Variants in ARNT observed in about 807,000 individuals in gnomAD.
ARNT encodes class E basic helix-loop-helix protein 2.
ARNT carries 30 observed loss-of-function variants against 105.0 expected under a neutral mutation model. That is an observed-to-expected ratio of 0.29 (90% CI 0.21 to 0.39). The LOEUF (loss-of-function observed/expected upper bound fraction) is 0.39, where lower values mean the gene tolerates loss of function less well. Among genes scored for constraint, ARNT ranks in the 10% least tolerant of loss-of-function variants. The pLI is 1.00. For missense variants in ARNT, 748 were observed against 978.7 expected (o/e 0.76, Z 3.15); for synonymous variants, 304 against 344.0 (o/e 0.88, Z 1.29).
Position 150,850,362 on chromosome 1 carries a change from C to G in ARNT, c.182+2400G>C, listed in dbSNP as rs867745676. On this transcript the variant is annotated intron_variant, in intron 3 of 21. Transcript: ENST00000358595. Reference sequence around the variant, plus strand: ...AGCTGGACTGTACTGCTGCCATCTCCGCTCACTGCAACCTCCCTGCCTGAT... The same window carrying G: ...AGCTGGACTGTACTGCTGCCATCTCGGCTCACTGCAACCTCCCTGCCTGAT... Among the ~76,000 whole-genome samples the G allele has an allele frequency of 2.2e-3, 337 of 152,320 alleles. 2 individuals are homozygous for G. Among genetic ancestry groups the G allele is most frequent in the African/African-American group, 5.4e-3 (223 of 41,572 alleles).
chr1:150,874,363 T>C (rs587655583), intron 1 of ARNT, among the ~76,000 whole-genome samples: 1 of 152,286 alleles, frequency 6.6e-6, no homozygotes, highest in East Asian at 1.9e-4. Flanking sequence ...ATGGGATCAA[T>C]AAGTCAGAAG....
intron 9 of ARNT, 33 bp downstream of exon 9, chr1:150,832,301 C>A (rs149172717): frequency 6.2e-7 from 1 of 1,611,024 alleles, no homozygotes; most frequent in Non-Finnish European, 8.5e-7. Flanking sequence ...GGTATTTGGC[C>A]ATCCCTTTGG....
intron 3 of ARNT, among the ~76,000 whole-genome samples, chr1:150,850,406 C>T (rs587594417): frequency 2.0e-5 from 3 of 152,324 alleles, no homozygotes; most frequent in Non-Finnish European, 2.9e-5. Flanking sequence ...CTCAGCCTGC[C>T]GAGTGCCTGC....
At chr1:150,864,770 A>AAAAT (rs201604664) in intron 1 of ARNT, among the ~76,000 whole-genome samples, 10,241 of 79,356 alleles carry the variant, frequency 0.13, 573 homozygotes, top group East Asian at 0.28. Flanking sequence ...AATAAAAAAT[A>AAAAT]AATAAATAAA....
At chr1:150,855,478 C>G (rs1293722433) in intron 2 of ARNT, among the ~76,000 whole-genome samples, 1 of 151,962 alleles carries the variant, frequency 6.6e-6, no homozygotes, top group East Asian at 1.9e-4. Context: ...AGGAGAATAG[C>G]ATGAACCCAG....
chr1:150,819,004 C>G (rs1390182716), intron 14 of ARNT, among the ~76,000 whole-genome samples: 1 of 152,082 alleles, frequency 6.6e-6, no homozygotes, highest in African/African-American at 2.4e-5. Flanking sequence ...ATAAAAATTT[C>G]TAACTCAATC....
Position 150,860,204 on chromosome 1 carries a change from GA to G in ARNT, c.26-1745del, listed in dbSNP as rs200512038. Reference sequence around the variant, plus strand: ...GAGTGAAAAGGCAACCCATGGAATAGAAAAAAAAAAATTCTTTTTTTTTTTT... The same window carrying G: ...GAGTGAAAAGGCAACCCATGGAATAGAAAAAAAAAATTCTTTTTTTTTTTT... On this transcript the variant is annotated intron_variant, in intron 1 of 21. Transcript: ENST00000358595. Among the ~76,000 whole-genome samples, 263 of 121,870 alleles carry G rather than the reference GA, an allele frequency of 2.2e-3. 1 individual carries two copies. The highest frequency in any genetic ancestry group is 8.0e-3 in the African/African-American group (246 of 30,828). 80.0% of individuals were successfully genotyped at this position (121,870 alleles called of 152,430 possible).
chr1:150,849,432 T>C (rs2102113000), intron 3 of ARNT, among the ~76,000 whole-genome samples: 1 of 152,298 alleles, frequency 6.6e-6, no homozygotes, highest in East Asian at 1.9e-4. Context: ...AGACAAGCAA[T>C]TGGTCTTCAG....
chr1:150,847,551 A>G (rs587681199), intron 3 of ARNT, among the ~76,000 whole-genome samples: 11 of 152,282 alleles, frequency 7.2e-5, no homozygotes, highest in African/African-American at 2.4e-4. Context: ...AGGACAAACG[A>G]ACCTCTCTTT....
At chr1:150,874,037 A>G (rs1557981592) in intron 1 of ARNT, among the ~76,000 whole-genome samples, 1 of 151,132 alleles carries the variant, frequency 6.6e-6, no homozygotes, top group Non-Finnish European at 1.5e-5. Context: ...AAAAAAAAAA[A>G]AAAAAATTAG....
At chr1:150,816,142 G>A (rs587651790) in intron 19 of ARNT, 117 bp downstream of exon 19, 195 of 1,292,608 alleles carry the variant, frequency 1.5e-4, no homozygotes, top group Admixed American at 2.6e-4. Context: ...ATTGGAAACC[G>A]GAGAACAGGG....
At position 150,868,157 on chromosome 1, in the gene ARNT, T is replaced by C. The variant is rs587648393; in HGVS notation, c.25+8386A>G. On this transcript the variant is annotated intron_variant, in intron 1 of 21. Coordinates refer to ENST00000358595, the MANE Select transcript of ARNT (RefSeq NM_001668.4). ...ATGAAGGAAACTGCTTGGTTTACTA[T>C]TTAGTTCTAGCCCCAAGCCGGGCAC... Among the ~76,000 whole-genome samples the C allele has an allele frequency of 2.0e-5, 3 of 152,050 alleles. No individual in the cohort carries two copies. The South Asian group carries it at 6.2e-4, about 32-fold the overall frequency.
Position 150,811,077 on chromosome 1 carries a change from T to G in ARNT, c.*944A>C. The stretch of plus-strand genomic sequence containing the variant: ...ACAGAAAAATGCAGCATTATCTTTA[T>G]GGCCAAGTCTCGGGTTCCAGAAAGT... On this transcript the variant is annotated 3_prime_UTR_variant, in exon 22 of 22. Transcript: ENST00000358595. The G allele has an allele frequency of 4.3e-6, 1 of 232,548 alleles. No homozygotes were observed. The highest frequency in any genetic ancestry group is 1.8e-4 in the South Asian group (1 of 5,514). The allele number at this position is 232,548 out of a possible 1,614,324, so 14.4% of individuals were successfully genotyped here.
Position 150,811,959 on chromosome 1 carries a change from T to G in ARNT, c.*62A>C, listed in dbSNP as rs1038499226. ...ACTTTTATTCTGTTTACAGAAAGATTTGCTTTTTAAAAACAAACAGTGATT... is the reference window on the plus strand; with the variant it reads ...ACTTTTATTCTGTTTACAGAAAGATGTGCTTTTTAAAAACAAACAGTGATT... On this transcript the variant is annotated 3_prime_UTR_variant, in exon 22 of 22. Coordinates refer to ENST00000358595, the MANE Select transcript of ARNT (RefSeq NM_001668.4). 1.6e-6 allele frequency: 2 copies of G among 1,278,708 alleles called. No homozygotes were observed. Among genetic ancestry groups the G allele is most frequent in the Non-Finnish European group, 2.1e-6 (2 of 952,008 alleles). The allele number at this position is 1,278,708 out of a possible 1,614,324, so 79.2% of individuals were successfully genotyped here.
At position 150,812,015 on chromosome 1, in the gene ARNT, A is replaced by T. The variant is rs10305749; in HGVS notation, c.*6T>A. 2 of 1,534,270 alleles carry T rather than the reference A, an allele frequency of 1.3e-6. No individual in the cohort carries two copies. Among genetic ancestry groups the T allele is most frequent in the Non-Finnish European group, 1.8e-6 (2 of 1,135,920 alleles). ...TCCCCCACCCCTTATCCTCACCCCAATAGTTCTATTCTGAAAAGGGGGGAA... is the reference window on the plus strand; with the variant it reads ...TCCCCCACCCCTTATCCTCACCCCATTAGTTCTATTCTGAAAAGGGGGGAA... On this transcript the variant is annotated 3_prime_UTR_variant, in exon 22 of 22. Coordinates refer to ENST00000358595, the MANE Select transcript of ARNT (RefSeq NM_001668.4).
intron 21 of ARNT, 131 bp from the exon 22 acceptor site, chr1:150,812,241 C>T (rs1654884077): frequency 1.8e-6 from 1 of 547,716 alleles, no homozygotes; most frequent in African/African-American, 1.9e-5. Flanking sequence ...CTTAGCCTTC[C>T]TTACTTCCAA....
At chr1:150,840,093 T>C (rs1661008446) in intron 5 of ARNT, among the ~76,000 whole-genome samples, 2 of 151,848 alleles carry the variant, frequency 1.3e-5, no homozygotes, top group Non-Finnish European at 2.9e-5. Flanking sequence ...ATACAAAAAT[T>C]AGCAGGGCAC....
chr1:150,857,273 T>C (rs1664799411), intron 2 of ARNT, among the ~76,000 whole-genome samples: 1 of 152,204 alleles, frequency 6.6e-6, no homozygotes, highest in African/African-American at 2.4e-5. Flanking sequence ...TCTCAAGTGA[T>C]GCCCTAATTT....
At chr1:150,849,712 G>A (rs1447375718) in intron 3 of ARNT, among the ~76,000 whole-genome samples, 3 of 152,172 alleles carry the variant, frequency 2.0e-5, no homozygotes, top group African/African-American at 2.4e-5. Context: ...GTAGTGAGCC[G>A]AGACTGTGCC....
Sources: allele counts gnomAD v4.1 joint callset (sites outside exome capture counted in the v4.1 genomes callset), GRCh38; gene constraint gnomAD v4.1.1; transcripts MANE v1.5; gene names NCBI Gene and HGNC (gene_info 2026-07-23, HGNC 2026-07-21).